SOWAHA: variants seen among roughly 807,000 people sequenced by gnomAD.
SOWAHA encodes sosondowah ankyrin repeat domain family member A.
SOWAHA carries 17 observed loss-of-function variants against 21.1 expected under a neutral mutation model. The ratio of observed to expected loss-of-function variants is 0.80; its 90% confidence interval spans 0.55 to 1.21. SOWAHA has a LOEUF of 1.21. Ranked by LOEUF, SOWAHA falls within the 50% of genes most tolerant of loss-of-function variation. SOWAHA has a pLI of 0.00. For synonymous variants in SOWAHA, 422 were observed against 397.1 expected, an observed-to-expected ratio of 1.06 and a Z score of -0.75; for missense variants, 862 against 816.0, an observed-to-expected ratio of 1.06 and a Z score of -0.69.
chr5:132,814,914 G>C lies in SOWAHA; in HGVS notation c.1293G>C (p.Ser431=). ...ACCAGTACCTGCGGCCCGGCTCCTC[G>C]TACGCGCTGCGCCGCCTTCTTGGCG... ...RAYQYLRPGS[S]YALRRLLGDP... is the part of the protein sequence containing the mutation. The change falls in exon 1 of 1, where the codon TCG becomes TCC. Residue 431 remains serine, a synonymous_variant. Coordinates refer to ENST00000378693, the MANE Select transcript of SOWAHA (RefSeq NM_175873.6). 3 of 1,548,600 alleles carry C rather than the reference G, an allele frequency of 1.9e-6. No homozygotes were observed. Among genetic ancestry groups the C allele is most frequent in the South Asian group, 1.2e-5 (1 of 84,302 alleles).
Position 132,815,448 on chromosome 5 carries a change from C to T in SOWAHA, c.*177C>T, listed in dbSNP as rs1245499363. ...TCCAGCTTCTTTCTGAAGCATGACC[C>T]ATCTCCAGAGATGGGATTTGAGAAA... On this transcript the variant is annotated 3_prime_UTR_variant, in exon 1 of 1. Coordinates refer to ENST00000378693, the MANE Select transcript of SOWAHA (RefSeq NM_175873.6). 1.0e-5 allele frequency: 6 copies of T among 574,022 alleles called. No individual in the cohort carries two copies. The highest frequency in any genetic ancestry group is 5.6e-5 in the South Asian group (2 of 35,494). The allele number at this position is 574,022 out of a possible 1,614,324, so 35.6% of individuals were successfully genotyped here.
chr5:132,814,724 T>G lies in SOWAHA; in HGVS notation c.1103T>G (p.Val368Gly). The stretch of plus-strand genomic sequence containing the variant: ...GAGATGGCGCTGCAGCTGGTGGAGG[T>G]CGCGCGGCGCAGTGGCGCACCAGTC... ...DGEMALQLVE[V>G]ARRSGAPVDV... The change falls in exon 1 of 1, where the codon GTC becomes GGC. Residue 368 changes from valine (V) to glycine (G), a missense_variant. By Grantham distance (109) the Val-to-Gly change is moderately radical. Coordinates refer to ENST00000378693, the MANE Select transcript of SOWAHA (RefSeq NM_175873.6). The G allele has an allele frequency of 6.6e-7, 1 of 1,511,028 alleles. No individual in the cohort carries two copies. The highest frequency in any genetic ancestry group is 8.8e-7 in the Non-Finnish European group (1 of 1,134,084). The allele number at this position is 1,511,028 out of a possible 1,614,324, so 93.6% of individuals were successfully genotyped here. A position where few individuals can be genotyped will look rare whatever the true frequency, so the allele number is the denominator to read the frequency against.
chr5:132,814,980 T>A lies in SOWAHA; in HGVS notation c.1359T>A (p.Gly453=). The change falls in exon 1 of 1, where the codon GGT becomes GGA. Residue 453 remains glycine, a synonymous_variant. Coordinates refer to ENST00000378693, the MANE Select transcript of SOWAHA (RefSeq NM_175873.6). The stretch of plus-strand genomic sequence containing the variant: ...GCACCACGGAGCCAGATGCGACCGG[T>A]GGTGGAAGTGGCAGTCTTGCTGCCA... ...LRGTTEPDAT[G]GGSGSLAARR... The A allele has an allele frequency of 6.3e-7, 1 of 1,591,886 alleles. No homozygotes were observed. Among genetic ancestry groups the A allele is most frequent in the Middle Eastern group, 1.7e-4 (1 of 6,020 alleles).
Position 132,814,184 on chromosome 5 carries a change from C to T in SOWAHA, c.563C>T (p.Pro188Leu), listed in dbSNP as rs755128478. 11 of 1,596,194 alleles carry T rather than the reference C, an allele frequency of 6.9e-6. No individual in the cohort carries two copies. The highest frequency in any genetic ancestry group is 1.1e-5 in the South Asian group (1 of 90,300). The change falls in exon 1 of 1, where the codon CCT (proline) becomes CTT (leucine). Residue 188 changes from proline to leucine, a missense_variant. By Grantham distance (98) the Pro-to-Leu change is moderately conservative. Coordinates refer to ENST00000378693, the MANE Select transcript of SOWAHA (RefSeq NM_175873.6). ...GACGCGGCCCCACCGCCTAGGGCCC[C>T]TTCTGAGGCGGCATCGCCCTGCTCT... ...SADAAPPPRA[P>L]SEAASPCSDP...
Position 132,814,026 on chromosome 5 carries a change from G to C in SOWAHA, c.405G>C (p.Leu135=). Residue 135 remains leucine, a synonymous_variant, in exon 1 of 1, where the codon CTG becomes CTC. Transcript: ENST00000378693. ...VPRPVEPPGD[L]GLPTEPQDTP... is the part of the protein sequence containing the mutation. ...GGCCAGTGGAGCCGCCAGGGGACCT[G>C]GGTCTGCCAACAGAGCCACAGGACA... The C allele has an allele frequency of 1.3e-6, 2 of 1,548,338 alleles. No homozygotes were observed. Among genetic ancestry groups the C allele is most frequent in the Middle Eastern group, 1.8e-4 (1 of 5,590 alleles).
In SOWAHA at chr5:132,814,462, C is replaced by G; in HGVS notation, c.841C>G (p.Leu281Val). The G allele has an allele frequency of 6.9e-7, 1 of 1,449,160 alleles. No individual in the cohort carries two copies. Among genetic ancestry groups the G allele is most frequent in the East Asian group, 3.0e-5 (1 of 32,832 alleles). The allele number at this position is 1,449,160 out of a possible 1,614,324, so 89.8% of individuals were successfully genotyped here. A position where few individuals can be genotyped will look rare whatever the true frequency, so the allele number is the denominator to read the frequency against. Reference protein sequence around the residue: ...GPGRSPHLRRLSRAGPRLLSP... With the variant: ...GPGRSPHLRRVSRAGPRLLSP... Reference sequence around the variant, plus strand: ...GGGCCGCTCCCCGCACCTGAGGCGCCTGTCGCGCGCCGGCCCGCGTCTGCT... The same window carrying G: ...GGGCCGCTCCCCGCACCTGAGGCGCGTGTCGCGCGCCGGCCCGCGTCTGCT... The change falls in exon 1 of 1, where the codon CTG (leucine) becomes GTG (valine). Residue 281 changes from leucine to valine, a missense_variant. Leu to Val is a conservative substitution (Grantham distance 32, BLOSUM62 1). Transcript: ENST00000378693.
At position 132,814,329 on chromosome 5, in the gene SOWAHA, G is replaced by T; in HGVS notation, c.708G>T (p.Glu236Asp). 1 of 1,485,016 alleles carries T rather than the reference G, an allele frequency of 6.7e-7. No homozygotes were observed. Among genetic ancestry groups the T allele is most frequent in the Admixed American group, 2.3e-5 (1 of 43,332 alleles). 92.0% of individuals were successfully genotyped at this position (1,485,016 alleles called of 1,614,324 possible). A position where few individuals can be genotyped will look rare whatever the true frequency, so the allele number is the denominator to read the frequency against. The stretch of plus-strand genomic sequence containing the variant: ...CCACGCTCCGCCTCCGGGCGGAGGA[G>T]CCCGGCCTGCGCCGGCAGCTGTCGG... ...APATLRLRAE[E>D]PGLRRQLSEE... Residue 236 changes from glutamate to aspartate, a missense_variant, in exon 1 of 1, where the codon GAG (glutamate) becomes GAT (aspartate). Transcript: ENST00000378693.
rs964712926 is a variant in SOWAHA, at chr5:132,813,972, G to T, written c.351G>T (p.Pro117=). Residue 117 remains proline, a synonymous_variant, in exon 1 of 1, where the codon CCG becomes CCT. Transcript: ENST00000378693. The part of the protein sequence containing the change: ...STVLPRSASA[P]GAPPLVRVPR... ...TCTTGCCGCGGAGCGCCTCTGCCCC[G>T]GGAGCTCCGCCCTTGGTCCGGGTGC... The T allele has an allele frequency of 1.3e-6, 2 of 1,543,672 alleles. No individual in the cohort carries two copies. The highest frequency in any genetic ancestry group is 1.4e-5 in the African/African-American group (1 of 72,616).
rs200727449 is a variant in SOWAHA at position 132,814,901 on chromosome 5, G to A, written c.1280G>A (p.Arg427Gln). The A allele has an allele frequency of 6.5e-7, 1 of 1,542,882 alleles. No homozygotes were observed. Among genetic ancestry groups the A allele is most frequent in the Non-Finnish European group, 8.7e-7 (1 of 1,144,014 alleles). ...GGGCGTCGCGCCTACCAGTACCTGC[G>A]GCCCGGCTCCTCGTACGCGCTGCGC... ...HSGRRAYQYLRPGSSYALRRL... is the reference protein window; with the variant it reads ...HSGRRAYQYLQPGSSYALRRL... Residue 427 changes from arginine to glutamine, a missense_variant, in exon 1 of 1, where the codon CGG (arginine) becomes CAG (glutamine). Coordinates refer to ENST00000378693, the MANE Select transcript of SOWAHA (RefSeq NM_175873.6).
In SOWAHA at chr5:132,813,807, C is replaced by G; in HGVS notation, c.186C>G (p.Val62=). Reference sequence around the variant, plus strand: ...GCAGGGACCGCTTCAAGCAGTTCGTCAACAACGTGGCGGTGGTGAAGGAGC... The same window carrying G: ...GCAGGGACCGCTTCAAGCAGTTCGTGAACAACGTGGCGGTGGTGAAGGAGC... ...AARRDRFKQF[V]NNVAVVKELD... The change falls in exon 1 of 1, where the codon GTC becomes GTG. Residue 62 remains valine (V), a synonymous_variant. Coordinates refer to ENST00000378693, the MANE Select transcript of SOWAHA (RefSeq NM_175873.6). 6.5e-7 allele frequency: 1 copy of G among 1,549,504 alleles called. No individual in the cohort carries two copies.
rs1758328693 is a variant in SOWAHA, at chr5:132,813,690, G to A, written c.69G>A (p.Leu23=). 2.6e-6 allele frequency: 4 copies of A among 1,529,862 alleles called. No individual in the cohort carries two copies. The highest frequency in any genetic ancestry group is 1.4e-5 in the African/African-American group (1 of 69,954). 94.8% of individuals were successfully genotyped at this position (1,529,862 alleles called of 1,614,324 possible). A position where few individuals can be genotyped will look rare whatever the true frequency, so the allele number is the denominator to read the frequency against. The stretch of plus-strand genomic sequence containing the variant: ...GCCAGGCGGCGGTGCTGGGCTTCCT[G>A]CAGGAGCACGGCGGGAAGGTGCGCA... The part of the protein sequence containing the change: ...GVSQAAVLGF[L]QEHGGKVRNS... The change falls in exon 1 of 1, where the codon CTG becomes CTA. Residue 23 remains leucine, a synonymous_variant. Coordinates refer to ENST00000378693, the MANE Select transcript of SOWAHA (RefSeq NM_175873.6).
rs555689016 is a variant in SOWAHA, at chr5:132,816,186, T to C, written c.*915T>C. The C allele has an allele frequency of 7.8e-5, 13 of 167,248 alleles. No homozygotes were observed. The highest frequency in any genetic ancestry group is 1.6e-4 in the Non-Finnish European group (11 of 68,120). The allele number at this position is 167,248 out of a possible 1,614,324, so 10.4% of individuals were successfully genotyped here. On this transcript the variant is annotated 3_prime_UTR_variant, in exon 1 of 1. Coordinates refer to ENST00000378693, the MANE Select transcript of SOWAHA (RefSeq NM_175873.6). Reference sequence around the variant, plus strand: ...TTTTAAAAAAATTGTGGTTTGTGAATTGCACCTTTGTGCCATGTTTCTGAA... The same window carrying C: ...TTTTAAAAAAATTGTGGTTTGTGAACTGCACCTTTGTGCCATGTTTCTGAA...
In SOWAHA at chr5:132,814,147, A is replaced by G; in HGVS notation, c.526A>G (p.Arg176Gly). Residue 176 changes from arginine (R) to glycine (G), a missense_variant, in exon 1 of 1, where the codon AGA (arginine) becomes GGA (glycine). Arg to Gly is a moderately radical substitution (Grantham distance 125). Transcript: ENST00000378693. ...CCTTGAGCTAGCCCAGGCCACCGAGAGACCCTCCGCAGACGCGGCCCCACC... is the reference window on the plus strand; with the variant it reads ...CCTTGAGCTAGCCCAGGCCACCGAGGGACCCTCCGCAGACGCGGCCCCACC... ...PALELAQATE[R>G]PSADAAPPPR... 8 of 1,599,404 alleles carry G rather than the reference A, an allele frequency of 5.0e-6. No individual in the cohort carries two copies. The highest frequency in any genetic ancestry group is 6.8e-6 in the Non-Finnish European group (8 of 1,178,866).
In SOWAHA at chr5:132,813,516, A is replaced by C; in HGVS notation, c.-106A>C. 1.4e-6 allele frequency: 1 copy of C among 727,170 alleles called. No homozygotes were observed. Among genetic ancestry groups the C allele is most frequent in the Non-Finnish European group, 1.7e-6 (1 of 574,322 alleles). The allele number at this position is 727,170 out of a possible 1,614,324, so 45.0% of individuals were successfully genotyped here. On this transcript the variant is annotated 5_prime_UTR_variant, in exon 1 of 1. Transcript: ENST00000378693. ...GGGACACGCCCGGCTGGCCGCGGGG[A>C]AGGCACCAGGTGAGCGCGGCCGCGC...
Position 132,813,971 on chromosome 5 carries a change from C to G in SOWAHA, c.350C>G (p.Pro117Arg), listed in dbSNP as rs749233974. Residue 117 changes from proline (P) to arginine (R), a missense_variant, in exon 1 of 1, where the codon CCG becomes CGG. Transcript: ENST00000378693. ...STVLPRSASA[P>R]GAPPLVRVPR... ...GTCTTGCCGCGGAGCGCCTCTGCCC[C>G]GGGAGCTCCGCCCTTGGTCCGGGTG... 26 of 1,543,686 alleles carry G rather than the reference C, an allele frequency of 1.7e-5. No homozygotes were observed. The highest frequency in any genetic ancestry group is 3.7e-4 in the Middle Eastern group (2 of 5,364).
chr5:132,813,645 C>CGCT lies in SOWAHA; in HGVS notation c.27_29dup (p.Ala12dup). 1 of 1,387,600 alleles carries CGCT rather than the reference C, an allele frequency of 7.2e-7. No homozygotes were observed. Among genetic ancestry groups the CGCT allele is most frequent in the Non-Finnish European group, 9.3e-7 (1 of 1,075,944 alleles). The allele number at this position is 1,387,600 out of a possible 1,614,324, so 86.0% of individuals were successfully genotyped here. On this transcript the variant is annotated inframe_insertion, in exon 1 of 1. Coordinates refer to ENST00000378693, the MANE Select transcript of SOWAHA (RefSeq NM_175873.6). ...CCATGGCGCTGGCCGCCGCCGCCGC[C>CGCT]GCTGCGGCTGCCGGGGTGAGCCAGG...
Position 132,813,923 on chromosome 5 carries a change from A to G in SOWAHA, c.302A>G (p.Gln101Arg). 1 of 1,546,424 alleles carries G rather than the reference A, an allele frequency of 6.5e-7. No homozygotes were observed. Among genetic ancestry groups the G allele is most frequent in the Non-Finnish European group, 8.7e-7 (1 of 1,145,432 alleles). ...TTCGGCCCCCCGGGGGCAGCGGCCC[A>G]GCCGTCGAAACCCACTTCGACGGTC... is the stretch of plus-strand genomic sequence containing the variant. ...APFGPPGAAA[Q>R]PSKPTSTVLP... Residue 101 changes from glutamine to arginine, a missense_variant, in exon 1 of 1, where the codon CAG becomes CGG. Coordinates refer to ENST00000378693, the MANE Select transcript of SOWAHA (RefSeq NM_175873.6).
chr5:132,813,612 G>C lies in SOWAHA; in HGVS notation c.-10G>C. 7.6e-7 allele frequency: 1 copy of C among 1,309,924 alleles called. No individual in the cohort carries two copies. Among genetic ancestry groups the C allele is most frequent in the Non-Finnish European group, 9.7e-7 (1 of 1,033,454 alleles). 81.1% of individuals were successfully genotyped at this position (1,309,924 alleles called of 1,614,324 possible). A position where few individuals can be genotyped will look rare whatever the true frequency, so the allele number is the denominator to read the frequency against. On this transcript the variant is annotated 5_prime_UTR_variant, in exon 1 of 1. Coordinates refer to ENST00000378693, the MANE Select transcript of SOWAHA (RefSeq NM_175873.6). ...ACCCGCCCCGGGAGCCAGGAACCCAGGGCCCCACCATGGCGCTGGCCGCCG... is the reference window on the plus strand; with the variant it reads ...ACCCGCCCCGGGAGCCAGGAACCCACGGCCCCACCATGGCGCTGGCCGCCG...
chr5:132,813,605 G>A lies in SOWAHA; in HGVS notation c.-17G>A. The A allele has an allele frequency of 3.2e-6, 4 of 1,239,508 alleles. No individual in the cohort carries two copies. In the East Asian group the frequency reaches 1.3e-4, roughly 41 times the overall value. The allele number at this position is 1,239,508 out of a possible 1,614,324, so 76.8% of individuals were successfully genotyped here. On this transcript the variant is annotated 5_prime_UTR_variant, in exon 1 of 1. Coordinates refer to ENST00000378693, the MANE Select transcript of SOWAHA (RefSeq NM_175873.6). ...GGCGCCCACCCGCCCCGGGAGCCAG[G>A]AACCCAGGGCCCCACCATGGCGCTG... is the stretch of plus-strand genomic sequence containing the variant.
Sources: gnomAD v4.1 joint callset for allele counts on GRCh38, gnomAD v4.1.1 for gene constraint, MANE v1.5 for transcripts, NCBI Gene and HGNC (gene_info 2026-07-23, HGNC 2026-07-21) for gene names.